Variants in RNF216 observed in about 807,000 individuals in gnomAD.
RNF216 encodes ring finger protein 216, also known as E3 ubiquitin-protein ligase RNF216.
Under a neutral mutation model 110.8 loss-of-function variants are expected in RNF216, and 72 were observed. The observed-to-expected ratio is 0.65, with a 90% CI of 0.54 to 0.79. The LOEUF (loss-of-function observed/expected upper bound fraction) is 0.79. RNF216 is among the 30% of genes least tolerant of loss of function. RNF216 has a pLI of 0.00. For synonymous variants in RNF216, 495 were observed against 407.5 expected, an observed-to-expected ratio of 1.21 and a Z score of -2.59; for missense variants, 1,342 against 1,141.2, an observed-to-expected ratio of 1.18 and a Z score of -2.54.
At chr7:5,741,853 C>G (rs1794778105) in intron 3 of RNF216, 38 bp from the exon 4 acceptor site, 1 of 1,555,448 alleles carries the variant, frequency 6.4e-7, no homozygotes, top group Non-Finnish European at 8.6e-7. Flanking sequence ...CAATTTCTTT[C>G]CTATGCCTAT....
At chr7:5,775,269 G>C (rs904734032) in intron 1 of RNF216, 9 of 152,124 alleles carry the variant, frequency 5.9e-5, no homozygotes, top group African/African-American at 1.2e-4. Flanking sequence ...GAAGAAAAGA[G>C]AATCGCTCAC....
chr7:5,630,539 C>T (rs180989340), intron 15 of RNF216, among the ~76,000 whole-genome samples: 145 of 152,176 alleles, frequency 9.5e-4, no homozygotes, highest in African/African-American at 3.3e-3. Flanking sequence ...TCACCATGCC[C>T]AGCTAATTTT....
intron 7 of RNF216, among the ~76,000 whole-genome samples, chr7:5,727,020 C>T (rs1043964168): frequency 6.6e-6 from 1 of 152,146 alleles, no homozygotes; most frequent in Non-Finnish European, 1.5e-5. Context: ...GGTGGGACTC[C>T]TGACTGTGGC....
chr7:5,733,253 T>C (rs1482149140), intron 5 of RNF216: 1 of 152,254 alleles, frequency 6.6e-6, no homozygotes, highest in Non-Finnish European at 1.5e-5. Context: ...TACATTCCCT[T>C]GCTTTTTGGA....
intron 13 of RNF216, among the ~76,000 whole-genome samples, chr7:5,654,730 T>A (rs1454632472): frequency 3.3e-5 from 3 of 91,698 alleles, no homozygotes; most frequent in East Asian, 2.9e-4. Context: ...ATCAATGGGC[T>A]AGGGTGGGTG....
At chr7:5,720,974 C>A in intron 9 of RNF216, 59 bp downstream of exon 9, 1 of 1,567,556 alleles carries the variant, frequency 6.4e-7, no homozygotes, top group Admixed American at 1.7e-5. Flanking sequence ...ACTAACTAAA[C>A]CCTAAGAGCA....
At chr7:5,682,909 A>C (rs1267275157) in intron 13 of RNF216, among the ~76,000 whole-genome samples, 3 of 152,196 alleles carry the variant, frequency 2.0e-5, no homozygotes, top group African/African-American at 7.2e-5. Context: ...CATTGCGTTA[A>C]TGTAGCATCA....
intron 13 of RNF216, among the ~76,000 whole-genome samples, chr7:5,679,216 G>A (rs1790500094): frequency 6.6e-6 from 1 of 152,060 alleles, no homozygotes; most frequent in African/African-American, 2.4e-5. Context: ...GGTGGCGGGG[G>A]GGCGGTGCAC....
At chr7:5,646,547 G>C (rs766018787) in intron 14 of RNF216, among the ~76,000 whole-genome samples, 28 of 151,916 alleles carry the variant, frequency 1.8e-4, no homozygotes, top group Non-Finnish European at 3.5e-4. Context: ...CAAAAAATTA[G>C]CTGGGTGTGG....
intron 15 of RNF216, among the ~76,000 whole-genome samples, chr7:5,634,463 C>T (rs1787271430): frequency 6.6e-6 from 1 of 152,248 alleles, no homozygotes; most frequent in Non-Finnish European, 1.5e-5. Context: ...AGACCCTTAG[C>T]CCCCACCCCT....
At chr7:5,775,659 C>A (rs1256948660) in intron 1 of RNF216, among the ~76,000 whole-genome samples, 2 of 151,782 alleles carry the variant, frequency 1.3e-5, no homozygotes, top group Non-Finnish European at 2.9e-5. Flanking sequence ...TATTTGAGGT[C>A]AGGAGTTCAA....
chr7:5,768,784 C>A (rs530129148), intron 1 of RNF216, among the ~76,000 whole-genome samples: 127 of 151,782 alleles, frequency 8.4e-4, no homozygotes, highest in African/African-American at 3.0e-3. Flanking sequence ...GCCTCACCCT[C>A]CCGAGTAACT....
intron 15 of RNF216, among the ~76,000 whole-genome samples, chr7:5,631,739 AAAC>A (rs1787084491): frequency 6.6e-6 from 1 of 152,234 alleles, no homozygotes; most frequent in Admixed American, 6.5e-5. Context: ...ACATTGAACA[AAAC>A]AACACAGCTA....
intron 1 of RNF216, among the ~76,000 whole-genome samples, chr7:5,762,508 T>A (rs1795986449): frequency 2.6e-5 from 4 of 151,254 alleles, no homozygotes; most frequent in African/African-American, 7.3e-5. Context: ...ATTTAAAAAA[T>A]AATAATAAAT....
Position 5,699,725 on chromosome 7 carries a change from A to G in RNF216, c.2061+12036T>C, listed in dbSNP as rs552334849. On this transcript the variant is annotated intron_variant, in intron 13 of 16. Transcript: ENST00000389902. ...CCTTAGCCTGTTACACTGGACATGAAGGGCAGCAGGCTTTCTGGGGCTGGG... is the reference window on the plus strand; with the variant it reads ...CCTTAGCCTGTTACACTGGACATGAGGGGCAGCAGGCTTTCTGGGGCTGGG... 2.1e-4 allele frequency among the ~76,000 whole-genome samples: 32 copies of G among 152,344 alleles called. 1 individual carries two copies. In the South Asian group the frequency reaches 5.8e-3, roughly 28 times the overall value.
At chr7:5,714,907 C>A in intron 11 of RNF216, 146 bp downstream of exon 11, 1 of 600,414 alleles carries the variant, frequency 1.7e-6, no homozygotes, top group African/African-American at 1.9e-5. Context: ...CCCACATAAT[C>A]ACATACATCA....
intron 13 of RNF216, among the ~76,000 whole-genome samples, chr7:5,697,377 A>T (rs980217517): frequency 2.0e-5 from 3 of 152,164 alleles, no homozygotes; most frequent in African/African-American, 7.2e-5. Context: ...TGCTGAACGA[A>T]CGACCAGACT....
intron 2 of RNF216, among the ~76,000 whole-genome samples, chr7:5,755,076 G>T (rs1192492804): frequency 2.0e-5 from 3 of 148,808 alleles, no homozygotes; most frequent in Non-Finnish European, 4.5e-5. Flanking sequence ...GGAACTGAAG[G>T]AAAGGAAGGA....
At chr7:5,699,324 A>AT (rs1791822920) in intron 13 of RNF216, among the ~76,000 whole-genome samples, 1 of 152,190 alleles carries the variant, frequency 6.6e-6, no homozygotes, top group South Asian at 2.1e-4. Context: ...AAAAACACAA[A>AT]TAACAATGAG....
Sources: gnomAD v4.1 joint callset for allele counts (sites outside exome capture counted in the v4.1 genomes callset) on GRCh38, gnomAD v4.1.1 for gene constraint, MANE v1.5 for transcripts, NCBI Gene and HGNC (gene_info 2026-07-23, HGNC 2026-07-21) for gene names.